Variants in SH3BP4 observed in about 807,000 individuals in gnomAD.
SH3BP4 encodes the protein SH3 domain binding protein 4.
A neutral mutation model predicts 65.5 loss-of-function variants in SH3BP4; 33 were observed. That is an observed-to-expected ratio of 0.50 (90% CI 0.38 to 0.67). SH3BP4 has a LOEUF of 0.67. Ranked by LOEUF, SH3BP4 falls within the 30% of genes least tolerant of loss-of-function variation. SH3BP4 has a pLI of 0.00. For synonymous variants in SH3BP4, 552 were observed against 545.5 expected (o/e 1.01, Z -0.17); for missense variants, 1,134 against 1,261.4 (o/e 0.90, Z 1.53).
chr2:234,978,828 T>G lies in SH3BP4; in HGVS notation c.-206-16475T>G, dbSNP rs1227772133. 1 of 152,204 alleles carries G rather than the reference T, an allele frequency of 6.6e-6. No individual in the cohort carries two copies. The highest frequency in any genetic ancestry group is 1.5e-5 in the Non-Finnish European group (1 of 68,100). The allele number at this position is 152,204 out of a possible 1,614,324, so 9.4% of individuals were successfully genotyped here. Reference sequence around the variant, plus strand: ...CATTTGAAACTGAAGGGCAAGAGGCTGGTGAGATCCGAGAGTCATGCCGCT... The same window carrying G: ...CATTTGAAACTGAAGGGCAAGAGGCGGGTGAGATCCGAGAGTCATGCCGCT... On this transcript the variant is annotated intron_variant, in intron 1 of 5. Coordinates refer to ENST00000392011, the MANE Select transcript of SH3BP4 (RefSeq NM_014521.3). This position sits in a 1 kb window ranked among gnomAD's most constrained non-coding sequence, Gnocchi z 4.1.
chr2:235,018,726 A>G (rs906467081), intron 2 of SH3BP4, among the ~76,000 whole-genome samples: 2 of 152,006 alleles, frequency 1.3e-5, no homozygotes, highest in Admixed American at 6.6e-5. Flanking sequence ...ACTTTTTTAA[A>G]CCCATTTTCC....
chr2:235,041,706 C>T lies in SH3BP4; in HGVS notation c.937C>T (p.Gln313Ter), dbSNP rs1287941098. ...CCAAAGCCCTGGTTGGGGCCAGACC[C>T]AAGCCGTGGAGACAAACATCGTGTG... is the stretch of plus-strand genomic sequence containing the variant. ...LGQSPGWGQT[Q>*]AVETNIVCKL... Residue 313 changes from glutamine to a stop codon, truncating the protein, a stop_gained, in exon 4 of 6, where the codon CAA becomes TAA. Transcript: ENST00000392011. LOFTEE classifies it high-confidence loss of function. The surrounding 1 kb of genome is among the most constrained non-coding windows in gnomAD (Gnocchi z 6.0). 1 of 1,612,218 alleles carries T rather than the reference C, an allele frequency of 6.2e-7. No individual in the cohort carries two copies. Among genetic ancestry groups the T allele is most frequent in the Non-Finnish European group, 8.5e-7 (1 of 1,178,952 alleles).
rs776946115 is a variant in SH3BP4 at position 235,042,344 on chromosome 2, G to C, written c.1575G>C (p.Gly525=). Residue 525 remains glycine, a synonymous_variant, in exon 4 of 6, where the codon GGG becomes GGC. Coordinates refer to ENST00000392011, the MANE Select transcript of SH3BP4 (RefSeq NM_014521.3). This position sits in a 1 kb window ranked among gnomAD's most constrained non-coding sequence, Gnocchi z 7.3. ...CCCCGGTGGCCCTGCAGCTGTGGGG[G>C]AAGCACCAGTTCGTTTTGTCCAGGC... ...NPAPVALQLW[G]KHQFVLSRPQ... 3.1e-6 allele frequency: 5 copies of C among 1,614,028 alleles called. No homozygotes were observed. The highest frequency in any genetic ancestry group is 4.2e-6 in the Non-Finnish European group (5 of 1,180,044).
Position 235,026,949 on chromosome 2 carries a change from T to A in SH3BP4, c.-132-7922T>A, listed in dbSNP as rs56161839. Among the ~76,000 whole-genome samples the A allele has an allele frequency of 0.037, 5,682 of 152,244 alleles. 356 individuals carry two copies. The highest frequency in any genetic ancestry group is 0.13 in the African/African-American group (5,331 of 41,520). On this transcript the variant is annotated intron_variant, in intron 2 of 5. Transcript: ENST00000392011. This position sits in a 1 kb window ranked among gnomAD's most constrained non-coding sequence, Gnocchi z 4.6. ...CAGGCAGCATGTTCCTCCTGTGCCCTGGGTGCATTAGGCGAGATCAGGCAC... is the reference window on the plus strand; with the variant it reads ...CAGGCAGCATGTTCCTCCTGTGCCCAGGGTGCATTAGGCGAGATCAGGCAC...
chr2:234,984,542 A>G (rs77946996), intron 1 of SH3BP4, among the ~76,000 whole-genome samples: 1 of 152,142 alleles, frequency 6.6e-6, no homozygotes, highest in Non-Finnish European at 1.5e-5. Context: ...TGAGGAATCA[A>G]TCCCCTTTGC....
chr2:235,020,009 T>C (rs140259509), intron 2 of SH3BP4, among the ~76,000 whole-genome samples: 14 of 152,286 alleles, frequency 9.2e-5, no homozygotes, highest in African/African-American at 3.1e-4. Context: ...CTGGAGCTTG[T>C]GGACCCCCCG....
intron 3 of SH3BP4, among the ~76,000 whole-genome samples, chr2:235,038,343 AT>A (rs1695491583): frequency 0.028 from 37 of 1,344 alleles, no homozygotes; most frequent in African/African-American, 0.056. Flanking sequence ...TATATAGTAT[AT>A]ATATTTTATA....
At chr2:235,039,282 CT>C (rs1340353200) in intron 3 of SH3BP4, among the ~76,000 whole-genome samples, 1 of 152,182 alleles carries the variant, frequency 6.6e-6, no homozygotes, top group Non-Finnish European at 1.5e-5. Context: ...TAGAAACTGT[CT>C]ACCTGATTTC....
intron 1 of SH3BP4, among the ~76,000 whole-genome samples, chr2:234,985,529 G>A (rs1693522208): frequency 1.3e-5 from 2 of 152,122 alleles, no homozygotes; most frequent in Admixed American, 1.3e-4. Context: ...GCACACAGTC[G>A]TTTTTCACTC....
At chr2:235,043,280 G>T (rs1253627902) in intron 4 of SH3BP4, 33 bp downstream of exon 4, 4 of 1,513,432 alleles carry the variant, frequency 2.6e-6, no homozygotes, top group Non-Finnish European at 3.6e-6. Flanking sequence ...GGCGTTCAGG[G>T]GTGCTGCTCA....
At chr2:235,028,396 G>A (rs1223747856) in intron 2 of SH3BP4, among the ~76,000 whole-genome samples, 25 of 152,218 alleles carry the variant, frequency 1.6e-4, no homozygotes, top group Admixed American at 1.6e-3. Flanking sequence ...GAACCTGTTG[G>A]TGTTTTGAGA....
At chr2:235,020,636 G>A (rs1694823152) in intron 2 of SH3BP4, among the ~76,000 whole-genome samples, 1 of 152,148 alleles carries the variant, frequency 6.6e-6, no homozygotes, top group Non-Finnish European at 1.5e-5. Context: ...TATTAAAAAT[G>A]TTTTCTGCAA....
At chr2:234,954,561 C>T (rs1176834636) in intron 1 of SH3BP4, among the ~76,000 whole-genome samples, 1 of 152,186 alleles carries the variant, frequency 6.6e-6, no homozygotes. Context: ...TTACTTTTCT[C>T]TGTGGAGGGA....
At chr2:235,008,321 G>A (rs1297951875) in intron 2 of SH3BP4, among the ~76,000 whole-genome samples, 3 of 152,212 alleles carry the variant, frequency 2.0e-5, no homozygotes, top group Non-Finnish European at 4.4e-5. Context: ...CTGGGGCTCT[G>A]TGGTCGCCTG....
rs142264274 is a variant in SH3BP4, at chr2:235,040,675, A to G, written c.119-213A>G. 3.9e-4 allele frequency among the ~76,000 whole-genome samples: 60 copies of G among 151,996 alleles called. No individual in the cohort carries two copies. In the East Asian group the frequency reaches 0.011, roughly 27 times the overall value. On this transcript the variant is annotated intron_variant, in intron 3 of 5. Coordinates refer to ENST00000392011, the MANE Select transcript of SH3BP4 (RefSeq NM_014521.3). ...CCTCTGTGGTCTTTCTGCCGGACATAGGCTGTCGATTTTGAAGGTGACCAA... is the reference window on the plus strand; with the variant it reads ...CCTCTGTGGTCTTTCTGCCGGACATGGGCTGTCGATTTTGAAGGTGACCAA...
At chr2:235,009,953 A>G (rs938633453) in intron 2 of SH3BP4, among the ~76,000 whole-genome samples, 4 of 151,336 alleles carry the variant, frequency 2.6e-5, no homozygotes, top group African/African-American at 7.3e-5. Flanking sequence ...CCTCTCCTCA[A>G]ACCTTCCCTG....
At chr2:235,006,261 C>T (rs1306787347) in intron 2 of SH3BP4, among the ~76,000 whole-genome samples, 2 of 152,224 alleles carry the variant, frequency 1.3e-5, no homozygotes, top group Admixed American at 1.3e-4. Context: ...TTTTTTCTTT[C>T]CTGCCCTTTT....
chr2:235,007,378 G>A (rs560866647), intron 2 of SH3BP4, among the ~76,000 whole-genome samples: 2 of 152,122 alleles, frequency 1.3e-5, no homozygotes, highest in East Asian at 1.9e-4. Context: ...CACCTGGGGC[G>A]ACCTTGCCTC....
At chr2:235,036,692 T>G (rs1478607808) in intron 3 of SH3BP4, among the ~76,000 whole-genome samples, 1 of 144,712 alleles carries the variant, frequency 6.9e-6, no homozygotes, top group East Asian at 2.1e-4. Flanking sequence ...GAGGCAGAGG[T>G]TGCAGTGAGC....
Sources: allele counts gnomAD v4.1 joint callset (sites outside exome capture counted in the v4.1 genomes callset), GRCh38; gene constraint gnomAD v4.1.1; non-coding constraint Gnocchi (gnomAD v3.1); transcripts MANE v1.5; gene names NCBI Gene and HGNC (gene_info 2026-07-23, HGNC 2026-07-21).